KIF21B: variants seen among roughly 807,000 people sequenced by gnomAD.
The protein encoded by KIF21B is kinesin family member 21B.
In KIF21B, 85 loss-of-function variants were observed where a neutral mutation model predicts 192.9. The ratio of observed to expected loss-of-function variants is 0.44; its 90% CI spans 0.37 to 0.53. KIF21B has a LOEUF of 0.53. Ranked by LOEUF, KIF21B falls within the 20% of genes least tolerant of loss-of-function variation. The probability of loss-of-function intolerance (pLI) is 0.00; values close to 1 mark genes in which losing one functional copy is unlikely to be tolerated. For synonymous variants in KIF21B, 832 were observed against 884.6 expected (o/e 0.94, Z 1.05); for missense variants, 1,716 against 2,194.8 (o/e 0.78, Z 4.36).
At chr1:201,022,115 T>C (rs763866955) in intron 1 of KIF21B, among the ~76,000 whole-genome samples, 19 of 152,100 alleles carry the variant, frequency 1.2e-4, no homozygotes, top group Non-Finnish European at 2.4e-4. Context: ...CACTGATCAG[T>C]GTCAGCTCCT....
chr1:201,000,329 C>T lies in KIF21B; in HGVS notation c.1685+61G>A, dbSNP rs896538016. 1.4e-5 allele frequency: 21 copies of T among 1,460,992 alleles called. No homozygotes were observed. The highest frequency in any genetic ancestry group is 8.5e-5 in the African/African-American group (6 of 70,670). The allele number at this position is 1,460,992 out of a possible 1,614,324, so 90.5% of individuals were successfully genotyped here. Reference sequence around the variant, plus strand: ...GGTGGGCAGCAGTCCTCCTTGGGGACGGGCAGGGTCCACTGGGGCGGTCTG... The same window carrying T: ...GGTGGGCAGCAGTCCTCCTTGGGGATGGGCAGGGTCCACTGGGGCGGTCTG... On this transcript the variant is annotated intron_variant, in intron 11 of 34. Transcript: ENST00000461742. The surrounding 1 kb of genome is among the most constrained non-coding windows in gnomAD (Gnocchi z 6.0).
chr1:201,021,869 T>G (rs1355400521), intron 1 of KIF21B, among the ~76,000 whole-genome samples: 1 of 152,078 alleles, frequency 6.6e-6, no homozygotes, highest in Non-Finnish European at 1.5e-5. Flanking sequence ...ATGCCATATT[T>G]ACATTTCTCA....
intron 26 of KIF21B, among the ~76,000 whole-genome samples, chr1:200,985,925 A>G (rs1261446451): frequency 1.3e-5 from 2 of 148,348 alleles, no homozygotes; most frequent in African/African-American, 5.0e-5. Flanking sequence ...GGCCCACTGC[A>G]ATCTCCACCT....
At chr1:200,987,716 G>T (rs1029312678) in intron 24 of KIF21B, among the ~76,000 whole-genome samples, 1 of 152,198 alleles carries the variant, frequency 6.6e-6, no homozygotes, top group African/African-American at 2.4e-5. Context: ...TGTAAACACA[G>T]AATGCCCAGC....
At chr1:201,016,905 C>T (rs1421394397) in intron 1 of KIF21B, among the ~76,000 whole-genome samples, 1 of 152,172 alleles carries the variant, frequency 6.6e-6, no homozygotes, top group Non-Finnish European at 1.5e-5. Flanking sequence ...TGCAAGCAGT[C>T]TGTCAATTCT....
At position 201,000,795 on chromosome 1, in the gene KIF21B, C is replaced by G; in HGVS notation, c.1403-15G>C. The G allele has an allele frequency of 6.2e-7, 1 of 1,613,992 alleles. No individual in the cohort carries two copies. Among genetic ancestry groups the G allele is most frequent in the Non-Finnish European group, 8.5e-7 (1 of 1,179,932 alleles). The stretch of plus-strand genomic sequence containing the variant: ...ATTGCCATCGCCTGGAGTGGGACGG[C>G]GGGAAGAAGGGTGCGATAAAGAAGA... On this transcript the variant is annotated splice_polypyrimidine_tract_variant and intron_variant, in intron 9 of 34. Coordinates refer to ENST00000461742, the MANE Select transcript of KIF21B (RefSeq NM_001252102.2). This position sits in a 1 kb window ranked among gnomAD's most constrained non-coding sequence, Gnocchi z 6.0.
rs144378354 is a variant in KIF21B at position 200,989,428 on chromosome 1, C to T, written c.3133-497G>A. On this transcript the variant is annotated intron_variant, in intron 21 of 34. Coordinates refer to ENST00000461742, the MANE Select transcript of KIF21B (RefSeq NM_001252102.2). ...GATGCACACCATGTAGGGTCTGTCC[C>T]CAGAGACCACAGGCCCCAGGAGGGA... Among the ~76,000 whole-genome samples the T allele has an allele frequency of 3.0e-3, 455 of 152,316 alleles. 1 individual carries two copies. Among genetic ancestry groups the T allele is most frequent in the African/African-American group, 0.01 (417 of 41,570 alleles).
Position 201,000,085 on chromosome 1 carries a change from T to C in KIF21B, c.1686-121A>G, listed in dbSNP as rs911145423. The C allele has an allele frequency of 6.7e-6, 6 of 891,224 alleles. No homozygotes were observed. Among genetic ancestry groups the C allele is most frequent in the Non-Finnish European group, 1.1e-5 (6 of 555,400 alleles). 55.2% of individuals were successfully genotyped at this position (891,224 alleles called of 1,614,324 possible). A position where few individuals can be genotyped will look rare whatever the true frequency, so the allele number is the denominator to read the frequency against. On this transcript the variant is annotated intron_variant, in intron 11 of 34. Coordinates refer to ENST00000461742, the MANE Select transcript of KIF21B (RefSeq NM_001252102.2). This position sits in a 1 kb window ranked among gnomAD's most constrained non-coding sequence, Gnocchi z 6.0. ...ACCAGAGGCCGGGGAGAGCACTGGCTCCTACTCTGCAGAGAACCCCACTGC... is the reference window on the plus strand; with the variant it reads ...ACCAGAGGCCGGGGAGAGCACTGGCCCCTACTCTGCAGAGAACCCCACTGC...
In KIF21B at chr1:200,980,033, T is replaced by C. The variant is rs868698544; in HGVS notation, c.3980-318A>G. ...GGGCTAAAATAAAATTCTTAAGCTT[T>C]TATGGTGCCTGTTCCTCCAAACACT... On this transcript the variant is annotated intron_variant, in intron 29 of 34. Coordinates refer to ENST00000461742, the MANE Select transcript of KIF21B (RefSeq NM_001252102.2). Among the ~76,000 whole-genome samples the C allele has an allele frequency of 7.2e-5, 11 of 152,284 alleles. No individual in the cohort carries two copies. In the South Asian group the frequency reaches 2.3e-3, roughly 32 times the overall value.
At position 200,969,467 on chromosome 1, in the gene KIF21B, G is replaced by A. The variant is rs1206110253; in HGVS notation, c.*4054C>T. On this transcript the variant is annotated 3_prime_UTR_variant, in exon 35 of 35. Transcript: ENST00000461742. The stretch of plus-strand genomic sequence containing the variant: ...CTAGGAACAGAAATGTACAACATGG[G>A]GCTTAAATAACTTTCATACACTATG... 6.5e-6 allele frequency: 1 copy of A among 152,830 alleles called. No homozygotes were observed. Among genetic ancestry groups the A allele is most frequent in the East Asian group, 1.9e-4 (1 of 5,338 alleles). 9.5% of individuals were successfully genotyped at this position (152,830 alleles called of 1,614,324 possible).
In KIF21B at chr1:201,000,233, C is replaced by T. The variant is rs1186038453; in HGVS notation, c.1685+157G>A. The stretch of plus-strand genomic sequence containing the variant: ...TTGCCCAAAAGGCTGAGCAAATCTG[C>T]GCCATGAATTCCCAAGCAATACTGA... On this transcript the variant is annotated intron_variant, in intron 11 of 34. Transcript: ENST00000461742. This position sits in a 1 kb window ranked among gnomAD's most constrained non-coding sequence, Gnocchi z 6.0. Among the ~76,000 whole-genome samples, 2 of 152,132 alleles carry T rather than the reference C, an allele frequency of 1.3e-5. No homozygotes were observed. Among genetic ancestry groups the T allele is most frequent in the Admixed American group, 1.3e-4 (2 of 15,280 alleles).
intron 33 of KIF21B, 42 bp from the exon 34 acceptor site, chr1:200,974,955 G>C: frequency 6.3e-7 from 1 of 1,591,914 alleles, no homozygotes; most frequent in Non-Finnish European, 8.6e-7. Context: ...GGGAGGTGAT[G>C]AGGGAGAGAA....
Position 200,990,845 on chromosome 1 carries a change from C to G in KIF21B, c.2687+72G>C. ...AGCACTCCCCAGAGCTTCCCTCTTC[C>G]TCACCCTGGCCCTGCCCCATATTCC... On this transcript the variant is annotated intron_variant, in intron 18 of 34. Coordinates refer to ENST00000461742, the MANE Select transcript of KIF21B (RefSeq NM_001252102.2). The surrounding 1 kb of genome is among the most constrained non-coding windows in gnomAD (Gnocchi z 5.4). 1 of 1,599,646 alleles carries G rather than the reference C, an allele frequency of 6.3e-7. No individual in the cohort carries two copies. The highest frequency in any genetic ancestry group is 8.6e-7 in the Non-Finnish European group (1 of 1,168,934).
rs1658993687 is a variant in KIF21B at position 201,023,505 on chromosome 1, G to C, written c.-122C>G. 5.1e-6 allele frequency: 3 copies of C among 593,610 alleles called. No homozygotes were observed. Among genetic ancestry groups the C allele is most frequent in the Non-Finnish European group, 7.1e-6 (3 of 425,506 alleles). The allele number at this position is 593,610 out of a possible 1,614,324, so 36.8% of individuals were successfully genotyped here. On this transcript the variant is annotated 5_prime_UTR_variant, in exon 1 of 35. Coordinates refer to ENST00000461742, the MANE Select transcript of KIF21B (RefSeq NM_001252102.2). The surrounding 1 kb of genome is among the most constrained non-coding windows in gnomAD (Gnocchi z 5.9). ...GGCGCGGCTGGCGGAGGCTGCGGCGGCGGCGGCTGGAGGTGACATGCTCGC... is the reference window on the plus strand; with the variant it reads ...GGCGCGGCTGGCGGAGGCTGCGGCGCCGGCGGCTGGAGGTGACATGCTCGC...
In KIF21B at chr1:200,975,061, G is replaced by T; in HGVS notation, c.4615-148C>A. The T allele has an allele frequency of 1.3e-6, 1 of 767,340 alleles. No homozygotes were observed. Among genetic ancestry groups the T allele is most frequent in the Non-Finnish European group, 2.1e-6 (1 of 473,246 alleles). 47.5% of individuals were successfully genotyped at this position (767,340 alleles called of 1,614,324 possible). A position where few individuals can be genotyped will look rare whatever the true frequency, so the allele number is the denominator to read the frequency against. On this transcript the variant is annotated intron_variant, in intron 33 of 34. Coordinates refer to ENST00000461742, the MANE Select transcript of KIF21B (RefSeq NM_001252102.2). The surrounding 1 kb of genome is among the most constrained non-coding windows in gnomAD (Gnocchi z 4.3). ...CGGGCGGGTGACACTGGTTCCAGGA[G>T]CCATGCTGGGGTGGCCTGTGCTGTG...
chr1:200,991,019 CCT>C lies in KIF21B; in HGVS notation c.2583_2584del (p.Ala863ProfsTer47), dbSNP rs1558008585. On this transcript the variant is annotated frameshift_variant, in exon 18 of 35. Coordinates refer to ENST00000461742, the MANE Select transcript of KIF21B (RefSeq NM_001252102.2). LOFTEE classifies it high-confidence loss of function. The stretch of plus-strand genomic sequence containing the variant: ...CACGATGCTGGAGACAGAGCGGGCC[CCT>C]GATTCAGCCTCAGATGAGGTAGTGC... The C allele has an allele frequency of 7.4e-6, 12 of 1,614,170 alleles. No homozygotes were observed. The highest frequency in any genetic ancestry group is 1.1e-5 in the South Asian group (1 of 91,084).
intron 15 of KIF21B, 51 bp from the exon 16 acceptor site, chr1:200,992,440 C>T (rs746957901): frequency 6.3e-7 from 1 of 1,578,768 alleles, no homozygotes; most frequent in Admixed American, 1.7e-5. Flanking sequence ...AGGCAGGTGG[C>T]CCACACTCTC....
chr1:201,021,911 G>A (rs959564684), intron 1 of KIF21B, among the ~76,000 whole-genome samples: 3 of 151,868 alleles, frequency 2.0e-5, no homozygotes, highest in South Asian at 2.1e-4. Flanking sequence ...CCCCTCCCTC[G>A]ACCTCCACAA....
At chr1:201,012,082 G>A (rs1411480314) in intron 1 of KIF21B, among the ~76,000 whole-genome samples, 1 of 152,198 alleles carries the variant, frequency 6.6e-6, no homozygotes, top group Non-Finnish European at 1.5e-5. Context: ...AGGGTTTTAG[G>A]GTCCAGGAGT....
Sources: gnomAD v4.1 joint callset for allele counts (sites outside exome capture counted in the v4.1 genomes callset) on GRCh38, gnomAD v4.1.1 for gene constraint, Gnocchi (gnomAD v3.1) non-coding constraint, MANE v1.5 for transcripts, NCBI Gene and HGNC (gene_info 2026-07-23, HGNC 2026-07-21) for gene names.